The following CCM2 variants were observed in gnomAD, a reference collection of about 807,000 sequenced individuals.
The protein encoded by CCM2 is CCM2 scaffold protein, also known as cerebral cavernous malformations 2 protein.
CCM2 carries 25 observed loss-of-function variants against 44.9 expected under a neutral mutation model. That is an observed-to-expected ratio of 0.56 (90% confidence interval 0.41 to 0.78). The LOEUF (loss-of-function observed/expected upper bound fraction) is 0.78, where lower values mean the gene tolerates loss of function less well. CCM2 is among the 30% of genes least tolerant of loss of function. The pLI, the probability that CCM2 is intolerant of heterozygous loss-of-function variation, is 0.00. For missense variants in CCM2, 481 were observed against 580.6 expected (o/e 0.83, Z 1.76); for synonymous variants, 219 against 241.1 (o/e 0.91, Z 0.85).
intron 1 of CCM2, among the ~76,000 whole-genome samples, chr7:45,004,694 A>G (rs1795775090): frequency 6.6e-6 from 1 of 151,366 alleles, no homozygotes; most frequent in Non-Finnish European, 1.5e-5. Flanking sequence ...TTTTAATTCT[A>G]TTTTTTTTTC....
chr7:45,058,397 C>T (rs1798363404), intron 2 of CCM2, among the ~76,000 whole-genome samples: 2 of 151,892 alleles, frequency 1.3e-5, no homozygotes, highest in Middle Eastern at 3.4e-3. Flanking sequence ...TATACATGTG[C>T]CATGTTGGTG....
At chr7:45,024,074 G>A (rs1259955138) in intron 1 of CCM2, among the ~76,000 whole-genome samples, 1 of 152,154 alleles carries the variant, frequency 6.6e-6, no homozygotes, top group Non-Finnish European at 1.5e-5. Flanking sequence ...GCCTCCCAAA[G>A]TGCTGGGATT....
intron 1 of CCM2, among the ~76,000 whole-genome samples, chr7:45,023,922 T>C (rs1022870395): frequency 6.5e-4 from 97 of 150,290 alleles, no homozygotes; most frequent in African/African-American, 2.1e-3. Context: ...GTGATCCTCC[T>C]GCCTCAGTCT....
chr7:45,005,474 A>C (rs1228695426), intron 1 of CCM2, among the ~76,000 whole-genome samples: 2 of 152,256 alleles, frequency 1.3e-5, no homozygotes, highest in East Asian at 3.8e-4. Flanking sequence ...GGGCGTCTGC[A>C]GTCTGCCCCA....
chr7:45,067,563 T>C (rs1393400460), intron 4 of CCM2: 1 of 152,258 alleles, frequency 6.6e-6, no homozygotes, highest in Admixed American at 6.5e-5. Flanking sequence ...ATAGCATTCT[T>C]TCTTTGCCTA....
Position 45,076,400 on chromosome 7 carries a change from A to G in CCM2, c.*343A>G, listed in dbSNP as rs139929492. 122 of 458,424 alleles carry G rather than the reference A, an allele frequency of 2.7e-4. No homozygotes were observed. Among genetic ancestry groups the G allele is most frequent in the African/African-American group, 2.1e-3 (105 of 50,162 alleles). 28.4% of individuals were successfully genotyped at this position (458,424 alleles called of 1,614,324 possible). A position where few individuals can be genotyped will look rare whatever the true frequency, so the allele number is the denominator to read the frequency against. On this transcript the variant is annotated 3_prime_UTR_variant, in exon 10 of 10. Coordinates refer to ENST00000258781, the MANE Select transcript of CCM2 (RefSeq NM_031443.4). ...TGTCAGTTTTGCACATGATGTTCCTATTGTAACTCTCAGAGACCTTAAAAA... is the reference window on the plus strand; with the variant it reads ...TGTCAGTTTTGCACATGATGTTCCTGTTGTAACTCTCAGAGACCTTAAAAA...
intron 1 of CCM2, among the ~76,000 whole-genome samples, chr7:45,014,772 C>T (rs375133137): frequency 3.3e-5 from 5 of 151,998 alleles, no homozygotes; most frequent in African/African-American, 9.7e-5. Flanking sequence ...CAGGCGTGCA[C>T]CACCAAGCCT....
chr7:45,074,391 G>A lies in CCM2; in HGVS notation c.1037G>A (p.Arg346His). 6.2e-7 allele frequency: 1 copy of A among 1,613,206 alleles called. No individual in the cohort carries two copies. The highest frequency in any genetic ancestry group is 1.1e-5 in the South Asian group (1 of 90,988). Residue 346 changes from arginine to histidine, a missense_variant, in exon 9 of 10, where the codon CGC becomes CAC. By Grantham distance (29) the Arg-to-His change is conservative. Coordinates refer to ENST00000258781, the MANE Select transcript of CCM2 (RefSeq NM_031443.4). ...INLRQLYGDS[R>H]KFLLLGLRPF... ...CTGCGGCAGCTCTACGGGGACAGCCGCAAGTTCCTGCTGCTTGGTGAGTGG... is the reference window on the plus strand; with the variant it reads ...CTGCGGCAGCTCTACGGGGACAGCCACAAGTTCCTGCTGCTTGGTGAGTGG...
At chr7:45,047,644 G>A (rs1797821456) in intron 2 of CCM2, among the ~76,000 whole-genome samples, 2 of 152,242 alleles carry the variant, frequency 1.3e-5, no homozygotes. Context: ...GTTCCTTTCT[G>A]TAACATCTTT....
chr7:44,999,836 G>A (rs1405253123), upstream of CCM2: 10 of 435,980 alleles, frequency 2.3e-5, no homozygotes, highest in African/African-American at 1.8e-4. Flanking sequence ...TGAGTGGGCG[G>A]AGCGAACAGG....
At chr7:45,028,932 CCTCGGATGTGCA>C (rs1796824305) in intron 1 of CCM2, among the ~76,000 whole-genome samples, 1 of 152,118 alleles carries the variant, frequency 6.6e-6, no homozygotes, top group South Asian at 2.1e-4. Flanking sequence ...TGTCGTAGTG[CCTCGGATGTGCA>C]CCTTAGGCAG....
At chr7:45,036,397 AG>A (rs145318573) in intron 1 of CCM2, among the ~76,000 whole-genome samples, 4,259 of 152,334 alleles carry the variant, frequency 0.028, 214 homozygotes, top group African/African-American at 0.097. Context: ...AGGAGGCAGC[AG>A]GGTCAGGAAA....
intron 1 of CCM2, among the ~76,000 whole-genome samples, chr7:45,018,336 T>C (rs566388278): frequency 6.6e-6 from 1 of 152,282 alleles, no homozygotes; most frequent in South Asian, 2.1e-4. Context: ...TTGACTGTTT[T>C]CTTTCAGCAT....
At chr7:45,060,511 G>T (rs1798469380) in intron 2 of CCM2, among the ~76,000 whole-genome samples, 1 of 152,128 alleles carries the variant, frequency 6.6e-6, no homozygotes, top group Non-Finnish European at 1.5e-5. Context: ...GAACTTCTCA[G>T]CTCTCATTAC....
intron 2 of CCM2, among the ~76,000 whole-genome samples, chr7:45,054,807 GC>G (rs1178356807): frequency 6.6e-6 from 1 of 152,220 alleles, no homozygotes; most frequent in African/African-American, 2.4e-5. Context: ...GCTGGGCATG[GC>G]ATTGCCATAG....
chr7:45,033,813 T>TG (rs11389123), intron 1 of CCM2, among the ~76,000 whole-genome samples: 132,006 of 152,182 alleles, frequency 0.87, 57,563 homozygotes, highest in African/African-American at 0.96. Flanking sequence ...ATGTGCCATC[T>TG]GTCACTTGAG....
At chr7:45,009,309 A>AG (rs1795972751) in intron 1 of CCM2, among the ~76,000 whole-genome samples, 1 of 113,566 alleles carries the variant, frequency 8.8e-6, no homozygotes, top group Non-Finnish European at 1.8e-5. Flanking sequence ...TCAAAAAAAA[A>AG]AAAAAAAAAA....
intron 1 of CCM2, among the ~76,000 whole-genome samples, chr7:45,005,616 AC>A (rs1415163280): frequency 2.0e-5 from 3 of 152,148 alleles, no homozygotes; most frequent in Non-Finnish European, 4.4e-5. Flanking sequence ...CATTTAAATC[AC>A]CCTCTATTGT....
At chr7:45,038,694 C>G (rs1028494890) in intron 2 of CCM2, among the ~76,000 whole-genome samples, 1 of 152,204 alleles carries the variant, frequency 6.6e-6, no homozygotes, top group Non-Finnish European at 1.5e-5. Context: ...GTAGTATGTG[C>G]TGCTCCACCA....
Sources: allele counts gnomAD v4.1 joint callset (sites outside exome capture counted in the v4.1 genomes callset), GRCh38; gene constraint gnomAD v4.1.1; transcripts MANE v1.5; gene names NCBI Gene and HGNC (gene_info 2026-07-23, HGNC 2026-07-21).